The following LPCAT3 variants were observed in gnomAD, a reference collection of about 807,000 sequenced individuals.
LPCAT3 encodes the protein lysophospholipid acyltransferase 5.
Under a neutral mutation model 63.4 loss-of-function variants are expected in LPCAT3, and 21 were observed. The observed-to-expected ratio is 0.33, with a 90% CI of 0.23 to 0.48. LPCAT3 has a LOEUF of 0.48. Among genes scored for constraint, LPCAT3 ranks in the 20% least tolerant of loss-of-function variants. The pLI, the probability that LPCAT3 is intolerant of heterozygous loss-of-function variation, is 0.99. For synonymous variants in LPCAT3, 242 were observed against 227.5 expected (o/e 1.06, Z -0.58); for missense variants, 451 against 590.6 (o/e 0.76, Z 2.45).
At chr12:7,016,099 AT>A (rs1201316145) in intron 1 of LPCAT3, among the ~76,000 whole-genome samples, 476 of 143,366 alleles carry the variant, frequency 3.3e-3, no homozygotes, top group East Asian at 4.4e-3. Flanking sequence ...ATGTAATACA[AT>A]TTTTTTTTTT....
chr12:6,982,494 T>C (rs1384590196), intron 3 of LPCAT3, among the ~76,000 whole-genome samples, 182 bp downstream of exon 3: 1 of 152,178 alleles, frequency 6.6e-6, no homozygotes, highest in Non-Finnish European at 1.5e-5. Flanking sequence ...GAGTTACCAT[T>C]ACAATCTGTG....
In LPCAT3 at chr12:6,982,710, A is replaced by G. The variant is rs782671568; in HGVS notation, c.332T>C (p.Ile111Thr). The change falls in exon 3 of 13, where the codon ATC becomes ACC. Residue 111 changes from isoleucine to threonine, a missense_variant. Physicochemically the swap from Ile to Thr is moderately conservative, Grantham distance 89 (BLOSUM62 -1). This residue lies in a region of LPCAT3 where 133 missense variants were observed against 152.1 expected (regional missense o/e 0.87). Transcript: ENST00000261407. ...GCAAAAGGTAGTGAGGACGGCAGTG[A>G]TGGTGCGGCCCATTAGTCGAAGGAT... is the stretch of plus-strand genomic sequence containing the variant. ...FLILRLMGRT[I>T]TAVLTTFCFQ... 1.2e-6 allele frequency: 2 copies of G among 1,613,980 alleles called. No individual in the cohort carries two copies. The highest frequency in any genetic ancestry group is 1.7e-6 in the Non-Finnish European group (2 of 1,179,850).
At chr12:7,011,576 A>T (rs1946764313) in intron 1 of LPCAT3, among the ~76,000 whole-genome samples, 1 of 151,246 alleles carries the variant, frequency 6.6e-6, no homozygotes, top group African/African-American at 2.4e-5. Flanking sequence ...TTGATCTGGG[A>T]AGCAGACGTT....
chr12:6,981,731 A>AGGGGGG, intron 4 of LPCAT3, 80 bp downstream of exon 4: 3 of 210,734 alleles, frequency 1.4e-5, no homozygotes, highest in Non-Finnish European at 1.8e-5. Flanking sequence ...CGGGGGGCGG[A>AGGGGGG]GGGGGGGTGC....
rs1565598998 is a variant in LPCAT3 at position 6,983,558 on chromosome 12, A to T, written c.152-19T>A. Reference sequence around the variant, plus strand: ...GGGTAACCTAGATGGGGGAAAAGATAAGAAGAGTGTTATTTGTGCCTGGTG... The same window carrying T: ...GGGTAACCTAGATGGGGGAAAAGATTAGAAGAGTGTTATTTGTGCCTGGTG... On this transcript the variant is annotated intron_variant, in intron 1 of 12. Coordinates refer to ENST00000261407, the MANE Select transcript of LPCAT3 (RefSeq NM_005768.6). 11 of 1,499,460 alleles carry T rather than the reference A, an allele frequency of 7.3e-6. No individual in the cohort carries two copies. Among genetic ancestry groups the T allele is most frequent in the Non-Finnish European group, 9.3e-6 (10 of 1,077,324 alleles). The allele number at this position is 1,499,460 out of a possible 1,614,324, so 92.9% of individuals were successfully genotyped here.
chr12:7,018,451 C>A lies in LPCAT3; in HGVS notation c.-27G>T, dbSNP rs782394312. 2.6e-6 allele frequency: 4 copies of A among 1,551,802 alleles called. No individual in the cohort carries two copies. The Admixed American group carries it at 5.8e-5, about 22-fold the overall frequency. On this transcript the variant is annotated 5_prime_UTR_variant, in exon 1 of 13. Coordinates refer to ENST00000261407, the MANE Select transcript of LPCAT3 (RefSeq NM_005768.6). The surrounding 1 kb of genome is among the most constrained non-coding windows in gnomAD (Gnocchi z 4.9). ...TTAACTCCGGGAGCCCCACAGGGAC[C>A]CCCCAGCTCCGCGCGCCCCGAATGC...
chr12:6,985,207 C>T (rs782547002), intron 1 of LPCAT3, among the ~76,000 whole-genome samples: 253 of 150,290 alleles, frequency 1.7e-3, no homozygotes, highest in African/African-American at 4.5e-3. Context: ...CTGGCTAACA[C>T]GGTGAAACCC....
intron 1 of LPCAT3, among the ~76,000 whole-genome samples, chr12:7,007,316 G>C (rs779258315): frequency 1.7e-4 from 26 of 151,818 alleles, no homozygotes; most frequent in Non-Finnish European, 3.1e-4. Context: ...TTTCCAAAGT[G>C]CTGGGATTAC....
intron 9 of LPCAT3, 86 bp downstream of exon 9, chr12:6,978,255 G>T: frequency 6.8e-7 from 1 of 1,466,026 alleles, no homozygotes; most frequent in Non-Finnish European, 9.2e-7. Flanking sequence ...AGACGCATAG[G>T]GGTGACATGG....
At chr12:6,990,563 AAATT>A (rs201022690) in intron 1 of LPCAT3, among the ~76,000 whole-genome samples, 9,771 of 136,018 alleles carry the variant, frequency 0.072, 397 homozygotes, top group Middle Eastern at 0.14. Context: ...ATAAATAAAT[AAATT>A]GAGCACCCCA....
At chr12:6,981,432 A>C (rs1363532485) in intron 5 of LPCAT3, 163 bp downstream of exon 5, 1 of 775,742 alleles carries the variant, frequency 1.3e-6, no homozygotes, top group Non-Finnish European at 2.2e-6. Context: ...TGGGCAAATT[A>C]GATTTGTTGA....
At chr12:7,014,009 TC>T (rs1438501813) in intron 1 of LPCAT3, among the ~76,000 whole-genome samples, 2 of 152,250 alleles carry the variant, frequency 1.3e-5, no homozygotes, top group Non-Finnish European at 2.9e-5. Context: ...TACTGACTGT[TC>T]CTTGGCTGTG....
At chr12:7,000,094 A>G (rs1353062059) in intron 1 of LPCAT3, among the ~76,000 whole-genome samples, 3 of 151,070 alleles carry the variant, frequency 2.0e-5, no homozygotes, top group Middle Eastern at 3.4e-3. Context: ...TAATTTTTGT[A>G]TTTTTAGTAG....
At chr12:7,007,607 G>A (rs1946735517) in intron 1 of LPCAT3, among the ~76,000 whole-genome samples, 1 of 146,314 alleles carries the variant, frequency 6.8e-6, no homozygotes, top group South Asian at 2.1e-4. Flanking sequence ...CGATTCTCCT[G>A]CCTCAGCCTC....
intron 2 of LPCAT3, 106 bp downstream of exon 2, chr12:6,983,326 A>T (rs1414673873): frequency 1.4e-6 from 1 of 728,432 alleles, no homozygotes; most frequent in Non-Finnish European, 2.4e-6. Flanking sequence ...AAGTGGGAGC[A>T]TTATAACTTC....
In LPCAT3 at chr12:6,977,645, G is replaced by T; in HGVS notation, c.1141C>A (p.Leu381Met). Residue 381 changes from leucine (L) to methionine (M), a missense_variant, in exon 10 of 13, where the codon CTG (leucine) becomes ATG (methionine). By Grantham distance (15) the Leu-to-Met change is conservative. This residue lies in a region of LPCAT3 where 304 missense variants were observed against 390.8 expected (regional missense o/e 0.78). Transcript: ENST00000261407. This position sits in a 1 kb window ranked among gnomAD's most constrained non-coding sequence, Gnocchi z 4.5. ...ALWHGLHSGY[L>M]VCFQMEFLIV... is the part of the protein sequence containing the mutation. ...AGGAATTCCATCTGGAAGCAGACCA[G>T]GTATCCTGAGTGCAGGCCGTGCCAG... 2 of 1,614,242 alleles carry T rather than the reference G, an allele frequency of 1.2e-6. No individual in the cohort carries two copies. The highest frequency in any genetic ancestry group is 1.1e-5 in the South Asian group (1 of 91,084).
At chr12:7,016,609 C>T (rs1946799186) in intron 1 of LPCAT3, among the ~76,000 whole-genome samples, 1 of 152,120 alleles carries the variant, frequency 6.6e-6, no homozygotes, top group Non-Finnish European at 1.5e-5. Context: ...AAATGTTGCC[C>T]AGGCTGGCCT....
chr12:6,981,299 T>C (rs1178907609), intron 5 of LPCAT3, 117 bp from the exon 6 acceptor site: 9 of 829,088 alleles, frequency 1.1e-5, no homozygotes, highest in Non-Finnish European at 1.5e-5. Context: ...TAGCCTTCTC[T>C]TTGGGGGATG....
chr12:6,982,939 T>A, intron 2 of LPCAT3, 157 bp from the exon 3 acceptor site: 1 of 666,564 alleles, frequency 1.5e-6, no homozygotes. Flanking sequence ...AATTATTTAT[T>A]AAAATAAAAA....
Sources: gnomAD v4.1 joint callset for allele counts (sites outside exome capture counted in the v4.1 genomes callset) on GRCh38, gnomAD v4.1.1 for gene constraint, gnomAD v4.1.1 regional missense constraint, Gnocchi (gnomAD v3.1) non-coding constraint, MANE v1.5 for transcripts, NCBI Gene and HGNC (gene_info 2026-07-23, HGNC 2026-07-21) for gene names.